NXPE4: variants seen among roughly 807,000 people sequenced by gnomAD.
The protein encoded by NXPE4 is neurexophilin and PC-esterase domain family member 4, also known as NXPE family member 4.
NXPE4 carries 42 observed loss-of-function variants against 33.3 expected under a neutral mutation model. That is an observed-to-expected ratio of 1.26 (90% CI 0.98 to 1.63). NXPE4 has a LOEUF of 1.63. Among genes scored for constraint, NXPE4 ranks in the 40% most tolerant of loss-of-function variants. The probability of loss-of-function intolerance (pLI) is 0.00; values close to 1 mark genes in which losing one functional copy is unlikely to be tolerated. For synonymous variants in NXPE4, 253 were observed against 234.9 expected (o/e 1.08, Z -0.71); for missense variants, 709 against 647.6 (o/e 1.09, Z -1.03).
chr11:114,616,930 A>G, the NXPE4 span, among the ~76,000 whole-genome samples: 3 of 146,662 alleles, frequency 2.0e-5, no homozygotes, highest in Non-Finnish European at 4.4e-5. Flanking sequence ...CTGGTGGATA[A>G]TAAGTGTTGC....
chr11:114,647,613 C>T, the NXPE4 span, among the ~76,000 whole-genome samples: 15,995 of 152,104 alleles, frequency 0.11, 1,049 homozygotes, highest in African/African-American at 0.18. Flanking sequence ...AATATTCTCT[C>T]TTTCAGCTTC....
Position 114,570,991 on chromosome 11 carries a change from G to A in NXPE4, c.1582C>T (p.Pro528Ser). 1 of 1,612,162 alleles carries A rather than the reference G, an allele frequency of 6.2e-7. No homozygotes were observed. Among genetic ancestry groups the A allele is most frequent in the Non-Finnish European group, 8.5e-7 (1 of 1,178,416 alleles). Residue 528 changes from proline (P) to serine (S), a missense_variant, in exon 6 of 6, where the codon CCT becomes TCT. Physicochemically the swap from Pro to Ser is moderately conservative, Grantham distance 74 (BLOSUM62 -1). Coordinates refer to ENST00000375478, the MANE Select transcript of NXPE4 (RefSeq NM_001077639.2). ...IAYGTNNVHP[P>S]QHVVGNQINI... ...ATCTGATTTCCGACTACATGTTGAG[G>A]TGGGTGTACATTATTTGTGCCATAT...
the NXPE4 span, among the ~76,000 whole-genome samples, chr11:114,669,305 T>C: frequency 6.6e-6 from 1 of 152,110 alleles, no homozygotes; most frequent in African/African-American, 2.4e-5. Context: ...AGACTGGAAA[T>C]TGAGCCACAA....
At chr11:114,583,796 G>A in intron 2 of NXPE4, 2 of 439,820 alleles carry the variant, frequency 4.5e-6, no homozygotes, top group South Asian at 1.8e-5. Context: ...CCATGATGAT[G>A]GCATGGAAGA....
At chr11:114,636,347 T>G in the NXPE4 span, among the ~76,000 whole-genome samples, 1 of 151,928 alleles carries the variant, frequency 6.6e-6, no homozygotes. Context: ...ATTTGATTCT[T>G]CTCTCTTTTT....
chr11:114,613,887 TAA>T, the NXPE4 span, among the ~76,000 whole-genome samples: 1 of 152,018 alleles, frequency 6.6e-6, no homozygotes, highest in South Asian at 2.1e-4. Context: ...CTGTGGATAA[TAA>T]GTGTTGCCTC....
the NXPE4 span, among the ~76,000 whole-genome samples, chr11:114,632,048 T>G: frequency 2.1e-5 from 3 of 144,068 alleles, no homozygotes; most frequent in Admixed American, 2.2e-4. Flanking sequence ...AATATATAAT[T>G]TAATAATATG....
At chr11:114,657,635 T>A in the NXPE4 span, among the ~76,000 whole-genome samples, 7 of 152,174 alleles carry the variant, frequency 4.6e-5, no homozygotes, top group Non-Finnish European at 8.8e-5. Flanking sequence ...GAAACTGTAA[T>A]TTAATATGAT....
Position 114,571,209 on chromosome 11 carries a change from T to C in NXPE4, c.1364A>G (p.His455Arg), listed in dbSNP as rs1948875999. The change falls in exon 6 of 6, where the codon CAC becomes CGC. Residue 455 changes from histidine (H) to arginine (R), a missense_variant. Transcript: ENST00000375478. Reference sequence around the variant, plus strand: ...CAGAAGAAGATGCTGAATGGCTTTGTGGACATTGAGGGCCCTTCGGATAAA... The same window carrying C: ...CAGAAGAAGATGCTGAATGGCTTTGCGGACATTGAGGGCCCTTCGGATAAA... ...DVFIRRALNVHKAIQHLLLRS... is the reference protein window; with the variant it reads ...DVFIRRALNVRKAIQHLLLRS... 1 of 1,613,944 alleles carries C rather than the reference T, an allele frequency of 6.2e-7. No individual in the cohort carries two copies. The highest frequency in any genetic ancestry group is 1.3e-5 in the African/African-American group (1 of 74,926).
At chr11:114,586,952 C>T (rs1463359664) in intron 2 of NXPE4, among the ~76,000 whole-genome samples, 2 of 152,122 alleles carry the variant, frequency 1.3e-5, no homozygotes, top group East Asian at 3.9e-4. Context: ...AGAGGTCCTC[C>T]TTCCCTCCCC....
chr11:114,669,436 G>C, the NXPE4 span, among the ~76,000 whole-genome samples: 2 of 152,104 alleles, frequency 1.3e-5, no homozygotes, highest in Admixed American at 1.3e-4. Context: ...TTACCTGAAG[G>C]GTAAGATATC....
At chr11:114,599,213 G>A (rs1465868143), upstream of NXPE4, among the ~76,000 whole-genome samples, 1 of 152,098 alleles carries the variant, frequency 6.6e-6, no homozygotes, top group Non-Finnish European at 1.5e-5. Context: ...CAGGGGTACA[G>A]TGCCTCCAAG....
At chr11:114,601,739 AATT>A in the NXPE4 span, among the ~76,000 whole-genome samples, 5 of 71,364 alleles carry the variant, frequency 7.0e-5, no homozygotes, top group East Asian at 1.8e-3. Flanking sequence ...TATTATATAT[AATT>A]ATAATATATA....
the NXPE4 span, among the ~76,000 whole-genome samples, chr11:114,617,625 C>T: frequency 2.6e-5 from 4 of 152,212 alleles, no homozygotes; most frequent in African/African-American, 9.6e-5. Flanking sequence ...AGGGTAACCA[C>T]TGTTACCCAA....
At chr11:114,652,294 G>A in the NXPE4 span, among the ~76,000 whole-genome samples, 1 of 152,190 alleles carries the variant, frequency 6.6e-6, no homozygotes, top group Non-Finnish European at 1.5e-5. Context: ...ATGCCCTTAA[G>A]GCATCCTGTT....
chr11:114,658,527 G>A, the NXPE4 span, among the ~76,000 whole-genome samples: 1 of 152,108 alleles, frequency 6.6e-6, no homozygotes, highest in African/African-American at 2.4e-5. Context: ...GCCTCAAAGG[G>A]AAAGACATAA....
chr11:114,662,204 T>G, the NXPE4 span, among the ~76,000 whole-genome samples: 1 of 150,066 alleles, frequency 6.7e-6, no homozygotes, highest in African/African-American at 2.4e-5. Context: ...GGTGACATAG[T>G]GTGGAGAGTG....
At chr11:114,639,441 C>G in the NXPE4 span, among the ~76,000 whole-genome samples, 5 of 151,706 alleles carry the variant, frequency 3.3e-5, no homozygotes, top group African/African-American at 1.2e-4. Flanking sequence ...ATGCCATGCT[C>G]TGCTTCGGCT....
the NXPE4 span, among the ~76,000 whole-genome samples, chr11:114,657,000 A>C: frequency 7.2e-4 from 110 of 152,282 alleles, no homozygotes; most frequent in African/African-American, 2.6e-3. Context: ...AGGCTGAGGC[A>C]GGAGAATGGC....
Sources: gnomAD v4.1 joint callset for allele counts (sites outside exome capture counted in the v4.1 genomes callset) on GRCh38, gnomAD v4.1.1 for gene constraint, MANE v1.5 for transcripts, NCBI Gene and HGNC (gene_info 2026-07-23, HGNC 2026-07-21) for gene names.